ZNF503: variants seen among roughly 807,000 people sequenced by gnomAD.
ZNF503 encodes zinc finger protein 503, also known as NocA-like zinc finger 2.
ZNF503 carries 15 observed loss-of-function variants against 34.4 expected under a neutral mutation model. The ratio of observed to expected loss-of-function variants is 0.44; its 90% CI spans 0.29 to 0.67. The LOEUF (loss-of-function observed/expected upper bound fraction) is 0.67, where lower values mean the gene tolerates loss of function less well. ZNF503 is among the 30% of genes least tolerant of loss of function. The pLI is 0.13. For synonymous variants in ZNF503, 580 were observed against 456.8 expected (o/e 1.27, Z -3.44); for missense variants, 1,007 against 926.8 (o/e 1.09, Z -1.12).
rs937726969 is a variant in ZNF503, at chr10:75,400,112, C to G, written c.578G>C (p.Gly193Ala). The G allele has an allele frequency of 2.6e-6, 4 of 1,546,762 alleles. No homozygotes were observed. In the Admixed American group the frequency reaches 5.9e-5, roughly 23 times the overall value. ...GCCGCCCCCGCCACCGCCACCGCCT[C>G]CACCGCCGCCTCCCGGCTCCTTCTT... ...SDKKEPGGGGGGGGGGGGGGG... is the reference protein window; with the variant it reads ...SDKKEPGGGGAGGGGGGGGGG... Residue 193 changes from glycine (G) to alanine (A), a missense_variant, in exon 2 of 2, where the codon GGA (glycine) becomes GCA (alanine). Physicochemically the swap from Gly to Ala is moderately conservative, Grantham distance 60. Transcript: ENST00000372524.
the ZNF503 span, chr10:75,296,251 C>T: frequency 6.6e-6 from 1 of 152,330 alleles, no homozygotes; most frequent in East Asian, 1.9e-4. Flanking sequence ...TTGTCCAGCC[C>T]CTGGGAGGAT....
the ZNF503 span, among the ~76,000 whole-genome samples, chr10:75,346,793 G>C: frequency 7.4e-6 from 1 of 135,224 alleles, no homozygotes; most frequent in Non-Finnish European, 1.6e-5. Flanking sequence ...ACCACAGTCG[G>C]CTTATTAAAA....
chr10:75,376,666 A>T, the ZNF503 span, among the ~76,000 whole-genome samples: 1 of 152,196 alleles, frequency 6.6e-6, no homozygotes, highest in African/African-American at 2.4e-5. Context: ...ACAAAAACAA[A>T]AAAACCTGAG....
the ZNF503 span, among the ~76,000 whole-genome samples, chr10:75,280,553 T>TGC: frequency 8.2e-6 from 1 of 122,508 alleles, no homozygotes; most frequent in Admixed American, 8.0e-5. Flanking sequence ...GGGGTGTGTA[T>TGC]GCGTGTGTGT....
chr10:75,348,787 C>T, the ZNF503 span, among the ~76,000 whole-genome samples: 1 of 152,212 alleles, frequency 6.6e-6, no homozygotes, highest in East Asian at 1.9e-4. Flanking sequence ...GCTGGGATTA[C>T]AGGCGTGAGC....
the ZNF503 span, among the ~76,000 whole-genome samples, chr10:75,294,766 A>T: frequency 6.7e-6 from 1 of 149,816 alleles, no homozygotes; most frequent in Non-Finnish European, 1.5e-5. Context: ...GAGAGAAAGA[A>T]GGGAGACCCC....
At chr10:75,288,988 C>T in the ZNF503 span, among the ~76,000 whole-genome samples, 3 of 152,086 alleles carry the variant, frequency 2.0e-5, no homozygotes, top group African/African-American at 7.2e-5. Flanking sequence ...TGAACTGGCC[C>T]AGCTCTCTTG....
At position 75,399,259 on chromosome 10, in the gene ZNF503, A is replaced by G. The variant is rs371774920; in HGVS notation, c.1431T>C (p.Gly477=). 2.0e-5 allele frequency: 32 copies of G among 1,597,030 alleles called. No individual in the cohort carries two copies. Among genetic ancestry groups the G allele is most frequent in the African/African-American group, 2.7e-5 (2 of 74,584 alleles). ...CGGCGGCCGTTAGCGAGGAGTGCAC[A>G]CCGTGCAGCGGGTGCGTGGGGTACA... ...PLVYPTHPLH[G]VHSSLTAAAA... is the part of the protein sequence containing the mutation. The change falls in exon 2 of 2, where the codon GGT becomes GGC. Residue 477 remains glycine (G), a synonymous_variant. Coordinates refer to ENST00000372524, the MANE Select transcript of ZNF503 (RefSeq NM_032772.6).
chr10:75,365,362 G>T, the ZNF503 span, among the ~76,000 whole-genome samples: 6 of 152,292 alleles, frequency 3.9e-5, no homozygotes, highest in Admixed American at 3.9e-4. Context: ...TGGTCAAACT[G>T]GTCTCAAACC....
chr10:75,400,409 C>T, intron 1 of ZNF503, 35 bp from the exon 2 acceptor site: 1 of 1,572,254 alleles, frequency 6.4e-7, no homozygotes, highest in Non-Finnish European at 8.6e-7. Context: ...GAGCGTCACA[C>T]AGAGAAAGAA....
the ZNF503 span, among the ~76,000 whole-genome samples, chr10:75,344,761 A>T: frequency 6.6e-6 from 1 of 152,224 alleles, no homozygotes; most frequent in African/African-American, 2.4e-5. Context: ...TATAGAGGAA[A>T]TTCTGGTTGG....
At chr10:75,370,516 C>T in the ZNF503 span, among the ~76,000 whole-genome samples, 1 of 152,038 alleles carries the variant, frequency 6.6e-6, no homozygotes, top group Non-Finnish European at 1.5e-5. Context: ...CATGGTGGCT[C>T]ATGCCTGTAA....
chr10:75,391,290 G>T, the ZNF503 span, among the ~76,000 whole-genome samples: 1 of 152,184 alleles, frequency 6.6e-6, no homozygotes, highest in Non-Finnish European at 1.5e-5. Flanking sequence ...TATCCAGGAA[G>T]ACCTATTCAA....
At chr10:75,338,818 T>C in the ZNF503 span, among the ~76,000 whole-genome samples, 1 of 152,356 alleles carries the variant, frequency 6.6e-6, no homozygotes, top group Admixed American at 6.5e-5. Flanking sequence ...ACCAGCGGTG[T>C]GCCCTGCTTC....
At chr10:75,377,563 C>T in the ZNF503 span, among the ~76,000 whole-genome samples, 16 of 152,072 alleles carry the variant, frequency 1.1e-4, no homozygotes, top group African/African-American at 3.1e-4. Flanking sequence ...CCATGTAAGC[C>T]GAGGTGGGGT....
the ZNF503 span, among the ~76,000 whole-genome samples, chr10:75,371,824 CT>C: frequency 6.6e-6 from 1 of 152,218 alleles, no homozygotes; most frequent in African/African-American, 2.4e-5. Context: ...AATATTCCCC[CT>C]GGCTTTCAAG....
the ZNF503 span, among the ~76,000 whole-genome samples, chr10:75,291,575 C>T: frequency 6.6e-6 from 1 of 152,288 alleles, no homozygotes; most frequent in Middle Eastern, 3.4e-3. Context: ...TGCACCACCA[C>T]ATTCCAGCCT....
At chr10:75,374,575 C>T in the ZNF503 span, among the ~76,000 whole-genome samples, 1 of 152,114 alleles carries the variant, frequency 6.6e-6, no homozygotes, top group East Asian at 1.9e-4. Flanking sequence ...TCCTGACACC[C>T]CTGCCCCATT....
the ZNF503 span, among the ~76,000 whole-genome samples, chr10:75,284,944 C>T: frequency 4.0e-4 from 61 of 152,284 alleles, no homozygotes; most frequent in East Asian, 0.011. Flanking sequence ...GAGTGCCTAC[C>T]TAACAGATAA....
Sources: allele counts gnomAD v4.1 joint callset (sites outside exome capture counted in the v4.1 genomes callset), GRCh38; gene constraint gnomAD v4.1.1; transcripts MANE v1.5; gene names NCBI Gene and HGNC (gene_info 2026-07-23, HGNC 2026-07-21).